The following EPHA5 variants were observed in gnomAD, a reference collection of about 807,000 sequenced individuals.
EPHA5 encodes EPH receptor A5.
In EPHA5, 60 loss-of-function variants were observed where a neutral mutation model predicts 105.0. The observed-to-expected ratio is 0.57, with a 90% CI of 0.46 to 0.71. EPHA5 has a LOEUF of 0.71. Among genes scored for constraint, EPHA5 ranks in the 30% least tolerant of loss-of-function variants. The pLI, the probability that EPHA5 is intolerant of heterozygous loss-of-function variation, is 0.00. For missense variants in EPHA5, 1,218 were observed against 1,274.7 expected (o/e 0.96, Z 0.68); for synonymous variants, 513 against 449.1 (o/e 1.14, Z -1.80).
rs775037757 is a variant in EPHA5, at chr4:65,669,679, G to A, written c.64C>T (p.Pro22Ser). The A allele has an allele frequency of 1.5e-6, 2 of 1,331,208 alleles. No homozygotes were observed. Among genetic ancestry groups the A allele is most frequent in the East Asian group, 2.9e-5 (1 of 34,904 alleles). The allele number at this position is 1,331,208 out of a possible 1,614,324, so 82.5% of individuals were successfully genotyped here. A position where few individuals can be genotyped will look rare whatever the true frequency, so the allele number is the denominator to read the frequency against. The change falls in exon 1 of 17, where the codon CCC (proline) becomes TCC (serine). Residue 22 changes from proline to serine, a missense_variant. Around this residue, in one of 3 missense-constraint regions of EPHA5, gnomAD observed 233 missense variants for 227.5 expected, o/e 1.02. Transcript: ENST00000613740. ...CCGGCCAGGGACGCTGGGGTGATGG[G>A]GGTGTCGCCGCCGCCGCTTGGGGGC... ...RRPPSGGGDT[P>S]ITPASLAGCY... is the part of the protein sequence containing the mutation.
chr4:65,578,106 C>T (rs532667233), intron 3 of EPHA5, among the ~76,000 whole-genome samples: 1 of 152,140 alleles, frequency 6.6e-6, no homozygotes, highest in Non-Finnish European at 1.5e-5. Context: ...ATATCAACAT[C>T]TAATCTATCT....
chr4:65,494,871 T>A (rs1731760987), intron 4 of EPHA5, among the ~76,000 whole-genome samples: 1 of 152,096 alleles, frequency 6.6e-6, no homozygotes. Flanking sequence ...GACTTCTTAG[T>A]GGCTTTATTG....
In EPHA5 at chr4:65,630,216, G is replaced by A. The variant is rs560398296; in HGVS notation, c.246+13147C>T. Among the ~76,000 whole-genome samples, 21 of 152,246 alleles carry A rather than the reference G, an allele frequency of 1.4e-4. No homozygotes were observed. In the South Asian group the frequency reaches 3.9e-3, roughly 29 times the overall value. ...CAGGGAAAGCTAGTCTCTCCATGGA[G>A]AGAAAAGACGTGAAACTGGTGATCA... On this transcript the variant is annotated intron_variant, in intron 2 of 16. Transcript: ENST00000613740.
At chr4:65,505,972 G>A (rs1732974948) in intron 3 of EPHA5, among the ~76,000 whole-genome samples, 1 of 152,010 alleles carries the variant, frequency 6.6e-6, no homozygotes, top group Admixed American at 6.6e-5. Flanking sequence ...TTAACATTAG[G>A]TATATCTCCG....
intron 2 of EPHA5, among the ~76,000 whole-genome samples, chr4:65,637,595 TATAC>T (rs1388166198): frequency 8.2e-5 from 12 of 146,298 alleles, no homozygotes; most frequent in African/African-American, 2.0e-4. Flanking sequence ...TATATATATA[TATAC>T]GTATATGCTA....
chr4:65,412,634 TA>T lies in EPHA5; in HGVS notation c.1687+1649del, dbSNP rs559781619. Among the ~76,000 whole-genome samples, 107 of 152,200 alleles carry T rather than the reference TA, an allele frequency of 7.0e-4. 1 individual carries two copies. Among genetic ancestry groups the T allele is most frequent in the African/African-American group, 2.3e-3 (95 of 41,560 alleles). On this transcript the variant is annotated intron_variant, in intron 7 of 16. Coordinates refer to ENST00000613740, the MANE Select transcript of EPHA5 (RefSeq NM_001281766.3). ...ATAATGCTACAATCTACTTCAGTAA[TA>T]AAAAAACAGTGGGAGATATTTCTTT...
At chr4:65,482,751 A>G (rs894833706) in intron 5 of EPHA5, among the ~76,000 whole-genome samples, 8 of 152,024 alleles carry the variant, frequency 5.3e-5, no homozygotes, top group African/African-American at 1.9e-4. Context: ...AAACATGGTT[A>G]CTCTTGAAGA....
intron 1 of EPHA5, among the ~76,000 whole-genome samples, chr4:65,654,976 G>T (rs938638362): frequency 4.7e-5 from 7 of 149,752 alleles, no homozygotes; most frequent in Non-Finnish European, 1.0e-4. Flanking sequence ...TTGAGGATCA[G>T]TTTTTTCAAA....
chr4:65,586,520 A>G (rs1009142294), intron 3 of EPHA5, among the ~76,000 whole-genome samples: 2 of 151,952 alleles, frequency 1.3e-5, no homozygotes, highest in African/African-American at 4.8e-5. Flanking sequence ...CAGTGCTACA[A>G]TATTCTCTAT....
intron 8 of EPHA5, among the ~76,000 whole-genome samples, chr4:65,400,525 A>T (rs1721712495): frequency 6.6e-6 from 1 of 152,128 alleles, no homozygotes; most frequent in Non-Finnish European, 1.5e-5. Flanking sequence ...ATTTTGTTAA[A>T]TAGGATTTTT....
At chr4:65,514,671 T>G (rs564058315) in intron 3 of EPHA5, among the ~76,000 whole-genome samples, 2 of 152,316 alleles carry the variant, frequency 1.3e-5, no homozygotes, top group East Asian at 3.9e-4. Flanking sequence ...ACTGCATTTT[T>G]AAAGGTTTGT....
intron 16 of EPHA5, among the ~76,000 whole-genome samples, chr4:65,330,125 T>C (rs1044527599): frequency 5.0e-4 from 75 of 151,340 alleles, no homozygotes; most frequent in African/African-American, 1.7e-3. Context: ...GACCAATACT[T>C]TCTGAATGGG....
At chr4:65,486,819 C>A (rs1447071671) in intron 5 of EPHA5, among the ~76,000 whole-genome samples, 1 of 152,184 alleles carries the variant, frequency 6.6e-6, no homozygotes, top group Non-Finnish European at 1.5e-5. Flanking sequence ...ATGGCTTGGG[C>A]CTGTGTCCCT....
At chr4:65,522,316 G>GTATATATATATATATATA (rs58851174) in intron 3 of EPHA5, among the ~76,000 whole-genome samples, 1,858 of 142,694 alleles carry the variant, frequency 0.013, 25 homozygotes, top group Non-Finnish European at 0.022. Flanking sequence ...ATATATATAT[G>GTATATATATATATATATA]TATATATATA....
intron 2 of EPHA5, among the ~76,000 whole-genome samples, chr4:65,620,753 A>G (rs888936694): frequency 6.6e-6 from 1 of 152,184 alleles, no homozygotes; most frequent in Non-Finnish European, 1.5e-5. Context: ...ATGCTAAAAC[A>G]GAAAAGACAT....
intron 7 of EPHA5, among the ~76,000 whole-genome samples, chr4:65,412,143 G>A (rs916502849): frequency 1.3e-5 from 2 of 152,054 alleles, no homozygotes; most frequent in African/African-American, 4.8e-5. Flanking sequence ...CAGGAGAATC[G>A]CTTGAACTCA....
At chr4:65,485,565 AT>A (rs1730800795) in intron 5 of EPHA5, among the ~76,000 whole-genome samples, 1 of 152,184 alleles carries the variant, frequency 6.6e-6, no homozygotes, top group South Asian at 2.1e-4. Context: ...CTCCATAATG[AT>A]ATAATGTTTT....
At chr4:65,579,632 T>G (rs968180002) in intron 3 of EPHA5, among the ~76,000 whole-genome samples, 1 of 151,828 alleles carries the variant, frequency 6.6e-6, no homozygotes. Context: ...TAAAATAATC[T>G]TCAGATTTGT....
rs190764716 is a variant in EPHA5 at position 65,427,786 on chromosome 4, G to A, written c.1403-7221C>T. Reference sequence around the variant, plus strand: ...CTAAGATGAAATAGTATTGGCATTAGCATAGTGAATACATCTTTGATTTTC... The same window carrying A: ...CTAAGATGAAATAGTATTGGCATTAACATAGTGAATACATCTTTGATTTTC... On this transcript the variant is annotated intron_variant, in intron 5 of 16. Transcript: ENST00000613740. Among the ~76,000 whole-genome samples, 616 of 152,226 alleles carry A rather than the reference G, an allele frequency of 4.0e-3. 5 individuals are homozygous for A. Among genetic ancestry groups the A allele is most frequent in the African/African-American group, 0.014 (582 of 41,558 alleles).
Sources: allele counts gnomAD v4.1 joint callset (sites outside exome capture counted in the v4.1 genomes callset), GRCh38; gene constraint gnomAD v4.1.1; regional missense constraint gnomAD v4.1.1; transcripts MANE v1.5; gene names NCBI Gene and HGNC (gene_info 2026-07-23, HGNC 2026-07-21).